Variants in DOCK9 observed in about 807,000 individuals in gnomAD.
The protein encoded by DOCK9 is dedicator of cytokinesis 9.
In DOCK9, 89 loss-of-function variants were observed where a neutral mutation model predicts 263.3. That is an observed-to-expected ratio of 0.34 (90% CI 0.28 to 0.40). DOCK9 has a LOEUF of 0.40. DOCK9 is among the 10% of genes least tolerant of loss of function. The probability of loss-of-function intolerance (pLI) is 1.00; values close to 1 mark genes in which losing one functional copy is unlikely to be tolerated. For missense variants in DOCK9, 2,140 were observed against 2,603.4 expected (o/e 0.82, Z 3.87); for synonymous variants, 976 against 973.1 (o/e 1.00, Z -0.06).
chr13:99,075,420 A>G (rs1265969978), intron 1 of DOCK9, among the ~76,000 whole-genome samples: 2 of 146,904 alleles, frequency 1.4e-5, no homozygotes, highest in Non-Finnish European at 3.0e-5. Context: ...TGGCTCAATC[A>G]GAGCTCACTG....
rs764815928 is a variant in DOCK9, at chr13:98,901,749, C to A, written c.1503+29G>T. The A allele has an allele frequency of 3.1e-6, 5 of 1,602,362 alleles. No individual in the cohort carries two copies. In the South Asian group the frequency reaches 5.6e-5, roughly 18 times the overall value. On this transcript the variant is annotated intron_variant, in intron 13 of 52. Coordinates refer to ENST00000682017, the MANE Select transcript of DOCK9 (RefSeq NM_001366683.2). ...AGGCCTCTTTTCAGATTGCTTTTTA[C>A]CACCCCAAAGCGTAAAAGCCATTCA...
chr13:98,856,172 T>G, intron 33 of DOCK9, 141 bp from the exon 34 acceptor site: 1 of 795,714 alleles, frequency 1.3e-6, no homozygotes, highest in South Asian at 1.9e-5. Flanking sequence ...TTCCATTACT[T>G]CACCTTTAAA....
chr13:98,958,639 G>A (rs547183752), intron 1 of DOCK9, among the ~76,000 whole-genome samples: 14 of 152,348 alleles, frequency 9.2e-5, no homozygotes, highest in African/African-American at 3.1e-4. Flanking sequence ...ACAGGCAGCA[G>A]CCAGATTTTG....
chr13:98,976,636 C>T (rs59162683), intron 1 of DOCK9, among the ~76,000 whole-genome samples: 4,005 of 152,226 alleles, frequency 0.026, 164 homozygotes, highest in African/African-American at 0.091. Context: ...GAATCCAGAA[C>T]AATGAATTAC....
In DOCK9 at chr13:98,904,637, C is replaced by G. The variant is rs1339788445; in HGVS notation, c.1030G>C (p.Ala344Pro). ...RVKLFYLDPD[A>P]QKLDFSSAEP... ...AACATTTAGATAGTTCTTACCTGGG[C>G]ATCTGGGTCCAAATAAAAAAGTTTG... The change falls in exon 10 of 53, where the codon GCC becomes CCC. Residue 344 changes from alanine to proline, a missense_variant. Physicochemically the swap from Ala to Pro is conservative, Grantham distance 27 (BLOSUM62 -1). Transcript: ENST00000682017. 6.4e-7 allele frequency: 1 copy of G among 1,554,734 alleles called. No homozygotes were observed. Among genetic ancestry groups the G allele is most frequent in the Admixed American group, 1.9e-5 (1 of 51,344 alleles).
intron 1 of DOCK9, among the ~76,000 whole-genome samples, chr13:99,083,276 T>C (rs1273922648): frequency 6.6e-6 from 1 of 151,884 alleles, no homozygotes; most frequent in Non-Finnish European, 1.5e-5. Context: ...AAAAGAATTC[T>C]AAGGCTCATG....
At chr13:98,843,311 T>C (rs929448818) in intron 38 of DOCK9, among the ~76,000 whole-genome samples, 2 of 152,178 alleles carry the variant, frequency 1.3e-5, no homozygotes, top group Admixed American at 1.3e-4. Flanking sequence ...CATATGGCCA[T>C]AAATTTCCCA....
chr13:98,964,274 C>A (rs1250341929), intron 1 of DOCK9, among the ~76,000 whole-genome samples: 1 of 152,142 alleles, frequency 6.6e-6, no homozygotes, highest in Non-Finnish European at 1.5e-5. Flanking sequence ...GCAAGACAGC[C>A]CTATTGTATT....
chr13:98,805,086 G>A lies in DOCK9; in HGVS notation c.5638C>T (p.Arg1880Cys), dbSNP rs763731038. The A allele has an allele frequency of 5.0e-6, 8 of 1,611,894 alleles. No individual in the cohort carries two copies. Among genetic ancestry groups the A allele is most frequent in the Middle Eastern group, 1.7e-4 (1 of 6,060 alleles). The change falls in exon 49 of 53, where the codon CGC (arginine) becomes TGC (cysteine). Residue 1880 changes from arginine (R) to cysteine (C), a missense_variant. Physicochemically the swap from Arg to Cys is radical, Grantham distance 180 (BLOSUM62 -3). Coordinates refer to ENST00000682017, the MANE Select transcript of DOCK9 (RefSeq NM_001366683.2). ...TEFERSHNIRRFMFEMPFTQT... is the reference protein window; with the variant it reads ...TEFERSHNIRCFMFEMPFTQT... ...GTAAATGGCATCTCAAACATGAAGC[G>A]GCGGATGTTGTGGGATCTCTCAAAC...
intron 15 of DOCK9, 52 bp from the exon 16 acceptor site, chr13:98,888,763 C>T (rs1428236211): frequency 1.5e-5 from 22 of 1,489,634 alleles, no homozygotes; most frequent in Middle Eastern, 2.0e-4. Context: ...ACTCTAAAAC[C>T]GACACTCTAG....
intron 24 of DOCK9, 47 bp downstream of exon 24, chr13:98,881,845 T>G (rs1247337798): frequency 1.4e-6 from 2 of 1,470,806 alleles, no homozygotes. Context: ...ATGCTCCAGA[T>G]GTGGACAGAC....
intron 1 of DOCK9, among the ~76,000 whole-genome samples, chr13:99,022,205 G>A (rs1467062650): frequency 1.3e-5 from 2 of 152,072 alleles, no homozygotes; most frequent in Admixed American, 6.5e-5. Context: ...CAAAGGTGAC[G>A]GGCAGGTCCA....
At chr13:98,989,016 C>G (rs1879120783) in intron 1 of DOCK9, among the ~76,000 whole-genome samples, 1 of 152,156 alleles carries the variant, frequency 6.6e-6, no homozygotes, top group South Asian at 2.1e-4. Context: ...CTCACCACTC[C>G]CTGCCTCAAA....
At chr13:99,023,035 T>G (rs1279657267) in intron 1 of DOCK9, among the ~76,000 whole-genome samples, 1 of 152,208 alleles carries the variant, frequency 6.6e-6, no homozygotes, top group African/African-American at 2.4e-5. Context: ...ATAGTGCAGC[T>G]GTTATGGAAA....
chr13:98,844,370 T>A (rs1566687076), intron 38 of DOCK9, among the ~76,000 whole-genome samples: 1 of 139,128 alleles, frequency 7.2e-6, no homozygotes, highest in African/African-American at 2.7e-5. Flanking sequence ...TTATTTTTTT[T>A]ATTTTTTTTT....
At chr13:99,084,059 T>G (rs1453195360) in intron 1 of DOCK9, among the ~76,000 whole-genome samples, 1 of 152,222 alleles carries the variant, frequency 6.6e-6, no homozygotes, top group Non-Finnish European at 1.5e-5. Context: ...GCGTGGTTGC[T>G]GCTCTGCCTC....
At chr13:98,890,752 C>T (rs1354211412) in intron 15 of DOCK9, among the ~76,000 whole-genome samples, 1 of 152,188 alleles carries the variant, frequency 6.6e-6, no homozygotes, top group African/African-American at 2.4e-5. Context: ...GAATATTTGT[C>T]ACCTGAATTA....
At chr13:99,075,978 C>T (rs191691170) in intron 1 of DOCK9, among the ~76,000 whole-genome samples, 6 of 152,226 alleles carry the variant, frequency 3.9e-5, no homozygotes, top group East Asian at 1.9e-4. Context: ...CACACCCAAG[C>T]GCTATCTTAA....
chr13:98,809,017 T>A (rs2091019359), intron 47 of DOCK9: 15 of 1,372,186 alleles, frequency 1.1e-5, no homozygotes, highest in Non-Finnish European at 1.5e-5. Flanking sequence ...TTTTTGGAGT[T>A]TGTAATAACT....
Sources: allele counts gnomAD v4.1 joint callset (sites outside exome capture counted in the v4.1 genomes callset), GRCh38; gene constraint gnomAD v4.1.1; transcripts MANE v1.5; gene names NCBI Gene and HGNC (gene_info 2026-07-23, HGNC 2026-07-21).